The following PRELID3B variants were observed in gnomAD, a reference collection of about 807,000 sequenced individuals.
PRELID3B encodes PRELI domain containing 3B.
In PRELID3B, 15 loss-of-function variants were observed where a neutral mutation model predicts 24.0. The ratio of observed to expected loss-of-function variants is 0.63; its 90% CI spans 0.42 to 0.96. PRELID3B has a LOEUF of 0.96. Ranked by LOEUF, PRELID3B falls within the 40% of genes least tolerant of loss-of-function variation. PRELID3B has a pLI of 0.00. For synonymous variants in PRELID3B, 62 were observed against 76.0 expected, an observed-to-expected ratio of 0.82 and a Z score of 0.96; for missense variants, 189 against 236.0, an observed-to-expected ratio of 0.80 and a Z score of 1.30.
intron 1 of PRELID3B, 82 bp from the exon 2 acceptor site, chr20:59,038,716 T>C (rs2092092202): frequency 2.8e-6 from 4 of 1,449,434 alleles, no homozygotes; most frequent in Admixed American, 4.6e-5. Flanking sequence ...TTTTATAATC[T>C]ATCAAATCAT....
At position 59,042,780 on chromosome 20, in the gene PRELID3B, C is replaced by A. The variant is rs773059797; in HGVS notation, c.-50G>T. ...CGGGTAGCGCCAGGGGACAACGAGG[C>A]ACAGAGGCTACACCTGCCCCTGCCC... On this transcript the variant is annotated 5_prime_UTR_variant, in exon 1 of 6. Transcript: ENST00000355937. 2.5e-5 allele frequency: 39 copies of A among 1,574,766 alleles called. No homozygotes were observed. In the Admixed American group the frequency reaches 5.6e-4, roughly 23 times the overall value.
At chr20:59,042,044 T>C (rs894624372) in intron 1 of PRELID3B, among the ~76,000 whole-genome samples, 2 of 152,208 alleles carry the variant, frequency 1.3e-5, no homozygotes, top group Non-Finnish European at 2.9e-5. Context: ...CTCAAAGAGC[T>C]AACACGGGTA....
At chr20:59,036,206 C>A (rs918619351) in intron 5 of PRELID3B, among the ~76,000 whole-genome samples, 13 of 152,140 alleles carry the variant, frequency 8.5e-5, no homozygotes, top group African/African-American at 2.2e-4. Flanking sequence ...TCACTCCACG[C>A]CAACCCTGTA....
intron 5 of PRELID3B, 30 bp downstream of exon 5, chr20:59,036,441 G>C: frequency 6.6e-7 from 1 of 1,515,166 alleles, no homozygotes; most frequent in South Asian, 1.1e-5. Context: ...ATGAACCAGG[G>C]AATAATAACC....
chr20:59,036,923 A>G (rs1209050797), intron 3 of PRELID3B, among the ~76,000 whole-genome samples, 163 bp from the exon 4 acceptor site: 1 of 152,256 alleles, frequency 6.6e-6, no homozygotes, highest in African/African-American at 2.4e-5. Flanking sequence ...TTTTTATTTA[A>G]AAAGCAAAGT....
intron 1 of PRELID3B, among the ~76,000 whole-genome samples, chr20:59,041,936 C>G (rs2092113233): frequency 6.6e-6 from 1 of 152,148 alleles, no homozygotes; most frequent in South Asian, 2.1e-4. Flanking sequence ...GAATCAGGGA[C>G]CTAGAAGAGA....
rs1026799460 is a variant in PRELID3B, at chr20:59,040,362, G to A, written c.33-1728C>T. On this transcript the variant is annotated intron_variant, in intron 1 of 5. Coordinates refer to ENST00000355937, the MANE Select transcript of PRELID3B (RefSeq NM_016045.3). The surrounding 1 kb of genome is among the most constrained non-coding windows in gnomAD (Gnocchi z 4.1). ...AGACCACGCCAAAGTAGAATCAGGA[G>A]GACCTGGCTATGGCTCACTGACCGG... Among the ~76,000 whole-genome samples the A allele has an allele frequency of 6.6e-6, 1 of 152,210 alleles. No homozygotes were observed. Among genetic ancestry groups the A allele is most frequent in the Admixed American group, 6.5e-5 (1 of 15,274 alleles).
chr20:59,040,073 T>C lies in PRELID3B; in HGVS notation c.33-1439A>G, dbSNP rs1288544197. Among the ~76,000 whole-genome samples the C allele has an allele frequency of 6.6e-6, 1 of 152,190 alleles. No individual in the cohort carries two copies. The highest frequency in any genetic ancestry group is 1.5e-5 in the Non-Finnish European group (1 of 68,026). On this transcript the variant is annotated intron_variant, in intron 1 of 5. Transcript: ENST00000355937. The surrounding 1 kb of genome is among the most constrained non-coding windows in gnomAD (Gnocchi z 4.1). ...CATGGTTAGCTGGCTTCCATGCCCT[T>C]ACCTCTTCCCCCAACCCTCTCTAAA...
At chr20:59,039,674 T>C (rs1465668907) in intron 1 of PRELID3B, among the ~76,000 whole-genome samples, 1 of 152,254 alleles carries the variant, frequency 6.6e-6, no homozygotes, top group African/African-American at 2.4e-5. Flanking sequence ...CATTACTTTT[T>C]ATTTTTCTAA....
intron 1 of PRELID3B, among the ~76,000 whole-genome samples, chr20:59,038,992 A>T (rs2092093907): frequency 1.3e-5 from 2 of 152,256 alleles, no homozygotes; most frequent in South Asian, 4.1e-4. Context: ...ACTGAAACAA[A>T]TAGCCAAAAG....
chr20:59,034,973 TG>T lies in PRELID3B; in HGVS notation c.*33del, dbSNP rs769386167. 1.3e-6 allele frequency: 2 copies of T among 1,587,154 alleles called. No individual in the cohort carries two copies. The highest frequency in any genetic ancestry group is 1.7e-6 in the Non-Finnish European group (2 of 1,166,498). ...AATATATAGTCAGTTTGGAGAGACC[TG>T]GAGTACCCGATGTTGTCTACCAACT... On this transcript the variant is annotated 3_prime_UTR_variant, in exon 6 of 6. Transcript: ENST00000355937.
intron 3 of PRELID3B, 129 bp from the exon 4 acceptor site, chr20:59,036,889 T>C (rs564081672): frequency 3.6e-5 from 24 of 657,536 alleles, no homozygotes; most frequent in Admixed American, 2.4e-4. Flanking sequence ...GCTGCTATTA[T>C]TGCATAAACT....
rs931089678 is a variant in PRELID3B at position 59,034,483 on chromosome 20, C to T, written c.*524G>A. ...TTTCACTCCAAAAATATTTAAGTAC[C>T]AAATCAAAACACTGGTTTTTAATGG... is the stretch of plus-strand genomic sequence containing the variant. On this transcript the variant is annotated 3_prime_UTR_variant, in exon 6 of 6. Coordinates refer to ENST00000355937, the MANE Select transcript of PRELID3B (RefSeq NM_016045.3). 1 of 152,546 alleles carries T rather than the reference C, an allele frequency of 6.6e-6. No individual in the cohort carries two copies. Among genetic ancestry groups the T allele is most frequent in the Non-Finnish European group, 1.5e-5 (1 of 68,046 alleles). 9.4% of individuals were successfully genotyped at this position (152,546 alleles called of 1,614,324 possible).
chr20:59,038,649 CAAAAAAA>C lies in PRELID3B; in HGVS notation c.33-22_33-16del. 1.4e-5 allele frequency: 18 copies of C among 1,303,624 alleles called. No homozygotes were observed. Among genetic ancestry groups the C allele is most frequent in the South Asian group, 1.0e-4 (5 of 48,800 alleles). 80.8% of individuals were successfully genotyped at this position (1,303,624 alleles called of 1,614,324 possible). ...CCCACGGGTGGCTGCCGATGTGAAC[CAAAAAAA>C]AAAAAAAAAAAATTCAGACATTTAA... On this transcript the variant is annotated splice_polypyrimidine_tract_variant and intron_variant, in intron 1 of 5. Coordinates refer to ENST00000355937, the MANE Select transcript of PRELID3B (RefSeq NM_016045.3).
intron 5 of PRELID3B, among the ~76,000 whole-genome samples, chr20:59,036,157 C>T (rs1401474955): frequency 3.3e-5 from 5 of 152,190 alleles, no homozygotes; most frequent in Non-Finnish European, 5.9e-5. Context: ...TTCCTCAGTG[C>T]TGGGCCTCAG....
At chr20:59,039,206 T>C (rs1298974005) in intron 1 of PRELID3B, among the ~76,000 whole-genome samples, 2 of 152,232 alleles carry the variant, frequency 1.3e-5, no homozygotes, top group Non-Finnish European at 2.9e-5. Context: ...ATCTACTGTT[T>C]TTCTCAAAAG....
In PRELID3B at chr20:59,042,742, C is replaced by A. The variant is rs199784546; in HGVS notation, c.-12G>T. 1 of 1,600,816 alleles carries A rather than the reference C, an allele frequency of 6.2e-7. No individual in the cohort carries two copies. ...GTCCAGATCTTCATGGTGCCGGCAC[C>A]CTGAGAGATGTCCGGGTAGCGCCAG... On this transcript the variant is annotated 5_prime_UTR_variant, in exon 1 of 6. Coordinates refer to ENST00000355937, the MANE Select transcript of PRELID3B (RefSeq NM_016045.3).
chr20:59,036,781 A>AG, intron 3 of PRELID3B, 21 bp from the exon 4 acceptor site: 1 of 1,464,802 alleles, frequency 6.8e-7, no homozygotes, highest in Non-Finnish European at 9.3e-7. Flanking sequence ...AAGAAAAAAA[A>AG]AAAAGATCAA....
At chr20:59,042,638 G>A (rs1224151315) in intron 1 of PRELID3B, 61 bp downstream of exon 1, 7 of 1,545,998 alleles carry the variant, frequency 4.5e-6, no homozygotes, top group Non-Finnish European at 6.1e-6. Context: ...CCTCTGCCTC[G>A]CCTCTACTCC....
Sources: allele counts gnomAD v4.1 joint callset (sites outside exome capture counted in the v4.1 genomes callset), GRCh38; gene constraint gnomAD v4.1.1; non-coding constraint Gnocchi (gnomAD v3.1); transcripts MANE v1.5; gene names NCBI Gene and HGNC (gene_info 2026-07-23, HGNC 2026-07-21).